MARCHF1: variants seen among roughly 807,000 people sequenced by gnomAD.
MARCHF1 encodes membrane associated ring-CH-type finger 1.
MARCHF1 carries 40 observed loss-of-function variants against 54.2 expected under a neutral mutation model. The ratio of observed to expected loss-of-function variants is 0.74; its 90% CI spans 0.57 to 0.96. MARCHF1 has a LOEUF of 0.96. MARCHF1 is among the 40% of genes least tolerant of loss of function. The pLI, the probability that MARCHF1 is intolerant of heterozygous loss-of-function variation, is 0.00. For synonymous variants in MARCHF1, 236 were observed against 236.3 expected (o/e 1.00, Z 0.01); for missense variants, 586 against 656.5 (o/e 0.89, Z 1.17).
Position 163,883,037 on chromosome 4 carries a change from A to G in MARCHF1, c.-38-28868T>C, listed in dbSNP as rs1235760774. On this transcript the variant is annotated intron_variant, in intron 3 of 9. Transcript: ENST00000514618. The stretch of plus-strand genomic sequence containing the variant: ...TTTCAGAGGAGATGAAATATATGTA[A>G]GAGCACCTAGGAGACAGGTTTGCAG... Among the ~76,000 whole-genome samples the G allele has an allele frequency of 1.1e-4, 17 of 152,158 alleles. 1 individual carries two copies. The highest frequency in any genetic ancestry group is 1.1e-3 in the Admixed American group (17 of 15,272).
intron 3 of MARCHF1, among the ~76,000 whole-genome samples, chr4:163,935,702 CTTTTTTTT>C (rs34331599): frequency 8.0e-6 from 1 of 125,758 alleles, no homozygotes; most frequent in Admixed American, 8.3e-5. Context: ...TGCTTGCTTT[CTTTTTTTT>C]TTTTTTTTTT....
intron 5 of MARCHF1, among the ~76,000 whole-genome samples, chr4:163,662,879 C>A (rs1195233260): frequency 2.0e-5 from 3 of 151,932 alleles, no homozygotes; most frequent in Non-Finnish European, 4.4e-5. Context: ...AAAGAGGAGT[C>A]AAGGTCTTAT....
chr4:163,786,305 C>A (rs1184546700), intron 4 of MARCHF1, among the ~76,000 whole-genome samples: 1 of 151,908 alleles, frequency 6.6e-6, no homozygotes, highest in African/African-American at 2.4e-5. Context: ...ATTGTGTAAT[C>A]ATGTTAACAT....
In MARCHF1 at chr4:164,163,134, G is replaced by A. The variant is rs1314607387; in HGVS notation, c.-322-51472C>T. 2.0e-5 allele frequency among the ~76,000 whole-genome samples: 3 copies of A among 151,858 alleles called. No homozygotes were observed. In the East Asian group the frequency reaches 5.8e-4, roughly 29 times the overall value. Reference sequence around the variant, plus strand: ...TTAAAATAGTAAAGAATGCACTTCAGGCAAAAAATAAAATTATCCCACCTA... The same window carrying A: ...TTAAAATAGTAAAGAATGCACTTCAAGCAAAAAATAAAATTATCCCACCTA... On this transcript the variant is annotated intron_variant, in intron 1 of 9. Transcript: ENST00000514618.
At chr4:163,720,396 T>C (rs1745407752) in intron 4 of MARCHF1, among the ~76,000 whole-genome samples, 1 of 152,236 alleles carries the variant, frequency 6.6e-6, no homozygotes, top group African/African-American at 2.4e-5. Context: ...TATCTCTGTT[T>C]TAGTACCAGT....
At chr4:164,284,272 G>A (rs1734090865) in intron 1 of MARCHF1, among the ~76,000 whole-genome samples, 1 of 150,240 alleles carries the variant, frequency 6.7e-6, no homozygotes, top group East Asian at 2.0e-4. Flanking sequence ...AAGATATTTA[G>A]GAGGAGGCTC....
chr4:164,271,810 A>G (rs1250632974), intron 1 of MARCHF1, among the ~76,000 whole-genome samples: 1 of 152,178 alleles, frequency 6.6e-6, no homozygotes, highest in Admixed American at 6.5e-5. Flanking sequence ...AAGTGAAAAT[A>G]TGACTACATC....
At chr4:163,617,358 T>G (rs1327321488) in intron 5 of MARCHF1, among the ~76,000 whole-genome samples, 1 of 152,140 alleles carries the variant, frequency 6.6e-6, no homozygotes, top group Non-Finnish European at 1.5e-5. Context: ...TTACTGTATA[T>G]TTTCAAAAAG....
Position 163,612,306 on chromosome 4 carries a change from G to A in MARCHF1, c.975C>T (p.Thr325=). ...CTAAATTATCAGACCCATCGTCATAGGTGGCAGGAGGCTTCTGAACAGGGT... is the reference window on the plus strand; with the variant it reads ...CTAAATTATCAGACCCATCGTCATAAGTGGCAGGAGGCTTCTGAACAGGGT... ...VNNPVQKPPA[T]YDDGSDNLEV... is the part of the protein sequence containing the mutation. The change falls in exon 7 of 10, where the codon ACC becomes ACT. Residue 325 remains threonine, a synonymous_variant. Coordinates refer to ENST00000514618, the MANE Select transcript of MARCHF1 (RefSeq NM_001394959.1). 2 of 1,521,796 alleles carry A rather than the reference G, an allele frequency of 1.3e-6. No individual in the cohort carries two copies. Among genetic ancestry groups the A allele is most frequent in the Middle Eastern group, 1.7e-4 (1 of 5,878 alleles). 94.3% of individuals were successfully genotyped at this position (1,521,796 alleles called of 1,614,324 possible).
intron 2 of MARCHF1, among the ~76,000 whole-genome samples, chr4:164,090,656 A>C (rs1755278996): frequency 1.3e-5 from 2 of 152,146 alleles, no homozygotes; most frequent in South Asian, 4.1e-4. Flanking sequence ...AAATCTGGGT[A>C]AAATTTAAGT....
intron 2 of MARCHF1, among the ~76,000 whole-genome samples, chr4:163,993,360 C>CTA (rs1267693624): frequency 1.2e-4 from 19 of 152,182 alleles, no homozygotes; most frequent in African/African-American, 4.6e-4. Flanking sequence ...TGTGTAATTA[C>CTA]AACATCTTTT....
intron 4 of MARCHF1, among the ~76,000 whole-genome samples, chr4:163,710,025 C>T (rs1360006142): frequency 6.6e-6 from 1 of 152,142 alleles, no homozygotes; most frequent in East Asian, 1.9e-4. Context: ...TTTCTACAAA[C>T]ACTCCAAATT....
At chr4:164,225,274 C>T (rs1362047813) in intron 1 of MARCHF1, among the ~76,000 whole-genome samples, 1 of 151,946 alleles carries the variant, frequency 6.6e-6, no homozygotes, top group Non-Finnish European at 1.5e-5. Flanking sequence ...TCAAGTATAT[C>T]GTCTTTTGCC....
At chr4:163,594,394 T>C (rs1404379184) in intron 7 of MARCHF1, among the ~76,000 whole-genome samples, 1 of 151,364 alleles carries the variant, frequency 6.6e-6, no homozygotes, top group Non-Finnish European at 1.5e-5. Flanking sequence ...ACATTATTAT[T>C]ATATGATATA....
intron 8 of MARCHF1, among the ~76,000 whole-genome samples, chr4:163,550,183 G>A (rs896685753): frequency 1.3e-5 from 2 of 151,288 alleles, no homozygotes; most frequent in Non-Finnish European, 2.9e-5. Context: ...TCGGAAGGCT[G>A]AGGCAAGAGA....
rs553556605 is a variant in MARCHF1, at chr4:164,340,420, T to G, written c.-323+43450A>C. ...AGGCCTTGATTTATATATAGATATATATATATATATATATAGTTTGTTTGT... is the reference window on the plus strand; with the variant it reads ...AGGCCTTGATTTATATATAGATATAGATATATATATATATAGTTTGTTTGT... On this transcript the variant is annotated intron_variant, in intron 1 of 9. Coordinates refer to ENST00000514618, the MANE Select transcript of MARCHF1 (RefSeq NM_001394959.1). Among the ~76,000 whole-genome samples the G allele has an allele frequency of 1.9e-3, 232 of 125,166 alleles. 19 individuals are homozygous for G. The highest frequency in any genetic ancestry group is 2.6e-3 in the Non-Finnish European group (153 of 59,220). 82.1% of individuals were successfully genotyped at this position (125,166 alleles called of 152,430 possible). A position where few individuals can be genotyped will look rare whatever the true frequency, so the allele number is the denominator to read the frequency against.
intron 3 of MARCHF1, among the ~76,000 whole-genome samples, chr4:163,896,888 A>G (rs1259420449): frequency 6.6e-6 from 1 of 152,100 alleles, no homozygotes; most frequent in Non-Finnish European, 1.5e-5. Flanking sequence ...AAAACTCATC[A>G]GTTTTAAAAT....
At chr4:164,372,427 G>C (rs1051018318) in intron 1 of MARCHF1, among the ~76,000 whole-genome samples, 5 of 152,028 alleles carry the variant, frequency 3.3e-5, no homozygotes, top group Admixed American at 6.5e-5. Context: ...ATATATATTA[G>C]CATAAATATA....
At chr4:164,164,962 T>C (rs1010629777) in intron 1 of MARCHF1, among the ~76,000 whole-genome samples, 10 of 151,860 alleles carry the variant, frequency 6.6e-5, no homozygotes, top group African/African-American at 2.4e-4. Context: ...ATAATCAGCA[T>C]AAGAAAAAGA....
Sources: allele counts gnomAD v4.1 joint callset (sites outside exome capture counted in the v4.1 genomes callset), GRCh38; gene constraint gnomAD v4.1.1; transcripts MANE v1.5; gene names NCBI Gene and HGNC (gene_info 2026-07-23, HGNC 2026-07-21).